The following SH3D19 variants were observed in gnomAD, a reference collection of about 807,000 sequenced individuals.
The protein encoded by SH3D19 is SH3 domain-containing protein 19.
SH3D19 carries 58 observed loss-of-function variants against 112.1 expected under a neutral mutation model. The ratio of observed to expected loss-of-function variants is 0.52; its 90% CI spans 0.42 to 0.64. The LOEUF is 0.64. Ranked by LOEUF, SH3D19 falls within the 30% of genes least tolerant of loss-of-function variation. SH3D19 has a pLI of 0.00. For missense variants in SH3D19, 1,090 were observed against 1,263.4 expected (o/e 0.86, Z 2.08); for synonymous variants, 391 against 448.5 (o/e 0.87, Z 1.62).
chr4:151,164,351 CT>C (rs1389398728), intron 8 of SH3D19, among the ~76,000 whole-genome samples: 6 of 151,774 alleles, frequency 4.0e-5, no homozygotes, highest in Non-Finnish European at 7.4e-5. Context: ...CTGGAACCCA[CT>C]GTGTGTGTGT....
intron 1 of SH3D19, chr4:151,291,533 G>A: frequency 1.0e-6 from 1 of 996,372 alleles, no homozygotes. Context: ...TTTTGATTTT[G>A]GAAGTTTTGG....
intron 1 of SH3D19, among the ~76,000 whole-genome samples, chr4:151,235,244 C>G (rs1030224765): frequency 3.3e-5 from 5 of 152,094 alleles, no homozygotes; most frequent in African/African-American, 1.2e-4. Flanking sequence ...TGTGTCCATG[C>G]GTACTCAATG....
At chr4:151,290,271 G>A (rs955712518) in intron 1 of SH3D19, among the ~76,000 whole-genome samples, 8 of 152,076 alleles carry the variant, frequency 5.3e-5, no homozygotes. Context: ...TAATATAATA[G>A]CCCAAATAAT....
At position 151,133,216 on chromosome 4, in the gene SH3D19, C is replaced by T. The variant is rs577991165; in HGVS notation, c.2507G>A (p.Arg836Gln). 1.7e-5 allele frequency: 28 copies of T among 1,614,062 alleles called. No homozygotes were observed. In the East Asian group the frequency reaches 2.0e-4, roughly 12 times the overall value. The change falls in exon 16 of 20, where the codon CGG becomes CAG. Residue 836 changes from arginine (R) to glutamine (Q), a missense_variant. Coordinates refer to ENST00000604030, the MANE Select transcript of SH3D19 (RefSeq NM_001378122.1). ...HCVKGSRCVA[R>Q]FEYIGEQKDE... Reference sequence around the variant, plus strand: ...CTTCTGCTCTCCAATATATTCAAACCGAGCAACACATCTTGAGCCTCTGAA... The same window carrying T: ...CTTCTGCTCTCCAATATATTCAAACTGAGCAACACATCTTGAGCCTCTGAA...
intron 1 of SH3D19, among the ~76,000 whole-genome samples, chr4:151,270,963 AC>A (rs1432671118): frequency 6.6e-6 from 1 of 152,152 alleles, no homozygotes; most frequent in African/African-American, 2.4e-5. Flanking sequence ...CAACTCTGTC[AC>A]CCAGGCTGGA....
intron 1 of SH3D19, among the ~76,000 whole-genome samples, chr4:151,267,555 T>C (rs1772904784): frequency 6.6e-6 from 1 of 152,210 alleles, no homozygotes; most frequent in Non-Finnish European, 1.5e-5. Context: ...GAAAATTAAC[T>C]AATGTCCTAT....
At chr4:151,215,268 C>G (rs1489384932) in intron 2 of SH3D19, among the ~76,000 whole-genome samples, 4 of 152,208 alleles carry the variant, frequency 2.6e-5, no homozygotes, top group Non-Finnish European at 4.4e-5. Flanking sequence ...AAGGCCTCTT[C>G]TACCTAGAGT....
chr4:151,191,328 G>A lies in SH3D19; in HGVS notation c.153-3865C>T, dbSNP rs191812972. 1.3e-4 allele frequency among the ~76,000 whole-genome samples: 20 copies of A among 152,296 alleles called. No homozygotes were observed. In the East Asian group the frequency reaches 1.9e-3, roughly 15 times the overall value. On this transcript the variant is annotated intron_variant, in intron 2 of 19. Transcript: ENST00000604030. ...AATTAAGACTTTGGGGGACTCTTAC[G>A]AAGGCATGATTGGTTTTAAAATGTG...
intron 1 of SH3D19, among the ~76,000 whole-genome samples, chr4:151,309,470 T>C (rs532784386): frequency 6.6e-6 from 1 of 152,322 alleles, no homozygotes; most frequent in African/African-American, 2.4e-5. Context: ...GCAAACCATA[T>C]ATCTGATAAG....
chr4:151,239,168 T>G (rs180997376), intron 1 of SH3D19, among the ~76,000 whole-genome samples: 65 of 152,360 alleles, frequency 4.3e-4, no homozygotes, highest in Non-Finnish European at 7.1e-4. Flanking sequence ...ATATATTCAG[T>G]GCTTAGCACC....
chr4:151,200,299 A>C (rs1157671166), intron 2 of SH3D19, among the ~76,000 whole-genome samples: 2 of 152,184 alleles, frequency 1.3e-5, no homozygotes, highest in African/African-American at 4.8e-5. Flanking sequence ...ACATTTATAC[A>C]AAAAAAGTGA....
chr4:151,254,863 G>A (rs1479840644), intron 1 of SH3D19, among the ~76,000 whole-genome samples: 23 of 151,920 alleles, frequency 1.5e-4, no homozygotes, highest in Admixed American at 7.2e-4. Flanking sequence ...GGTGGTGGCC[G>A]GGCAGAGGGC....
At chr4:151,310,599 T>C (rs1005000321) in intron 1 of SH3D19, among the ~76,000 whole-genome samples, 1 of 151,296 alleles carries the variant, frequency 6.6e-6, no homozygotes, top group African/African-American at 2.4e-5. Flanking sequence ...TTTTTTAGAC[T>C]CTTGCTCTGT....
At chr4:151,213,638 C>T (rs1766336625) in intron 2 of SH3D19, among the ~76,000 whole-genome samples, 1 of 151,722 alleles carries the variant, frequency 6.6e-6, no homozygotes, top group Non-Finnish European at 1.5e-5. Flanking sequence ...GATCAAGATC[C>T]TGTCTTGGAG....
At chr4:151,262,899 G>A (rs1580352275) in intron 1 of SH3D19, 1 of 152,220 alleles carries the variant, frequency 6.6e-6, no homozygotes, top group Non-Finnish European at 1.5e-5. Flanking sequence ...CCTCAGTCTG[G>A]GCCTCTCTGG....
In SH3D19 at chr4:151,325,241, C is replaced by A; in HGVS notation, c.112G>T (p.Asp38Tyr). 8.2e-7 allele frequency: 1 copy of A among 1,220,844 alleles called. No individual in the cohort carries two copies. The highest frequency in any genetic ancestry group is 1.0e-6 in the Non-Finnish European group (1 of 980,700). 75.6% of individuals were successfully genotyped at this position (1,220,844 alleles called of 1,614,324 possible). ...GRALSGHSAA[D>Y]RNERNKPEHR... ...CCGCCCCGTCCCCCGCGCCTCTCAC[C>A]TGCGGCCGAGTGGCCCGAGAGCGCA... The change falls in exon 1 of 20, where the codon GAT (aspartate) becomes TAT (tyrosine). Residue 38 changes from aspartate to tyrosine, a missense_variant and splice_region_variant. By Grantham distance (160) the Asp-to-Tyr change is radical. Coordinates refer to ENST00000604030, the MANE Select transcript of SH3D19 (RefSeq NM_001378122.1).
chr4:151,220,931 T>A (rs970135436), intron 2 of SH3D19, among the ~76,000 whole-genome samples: 1 of 152,316 alleles, frequency 6.6e-6, no homozygotes, highest in African/African-American at 2.4e-5. Context: ...AAATGGTGTG[T>A]TTAAACTAGT....
At chr4:151,318,233 AG>A (rs1730189545) in intron 1 of SH3D19, among the ~76,000 whole-genome samples, 1 of 141,448 alleles carries the variant, frequency 7.1e-6, no homozygotes, top group African/African-American at 2.6e-5. Flanking sequence ...CCTGGGAGGC[AG>A]AGGTTGCAGT....
chr4:151,167,414 CTAAAAT>C (rs1758228629), intron 7 of SH3D19, among the ~76,000 whole-genome samples: 1 of 151,810 alleles, frequency 6.6e-6, no homozygotes, highest in African/African-American at 2.4e-5. Context: ...TCTCATCTCT[CTAAAAT>C]TAATTATTGT....
Sources: allele counts gnomAD v4.1 joint callset (sites outside exome capture counted in the v4.1 genomes callset), GRCh38; gene constraint gnomAD v4.1.1; transcripts MANE v1.5; gene names NCBI Gene and HGNC (gene_info 2026-07-23, HGNC 2026-07-21).